ZNF320: variants seen among roughly 807,000 people sequenced by gnomAD.
ZNF320 encodes the protein zinc finger protein 320, also known as zinc finger gene 320.
A neutral mutation model predicts 6.8 loss-of-function variants in ZNF320; 2 were observed. That is an observed-to-expected ratio of 0.29 (90% confidence interval 0.12 to 0.93). ZNF320 has a LOEUF of 0.93. Ranked by LOEUF, ZNF320 falls within the 40% of genes least tolerant of loss-of-function variation. The pLI is 0.55. For missense variants in ZNF320, 472 were observed against 611.0 expected, an observed-to-expected ratio of 0.77 and a Z score of 2.40; for synonymous variants, 208 against 203.2, an observed-to-expected ratio of 1.02 and a Z score of -0.20.
intron 1 of ZNF320, among the ~76,000 whole-genome samples, chr19:52,896,695 T>G (rs2064484822): frequency 6.6e-6 from 1 of 152,088 alleles, no homozygotes; most frequent in Non-Finnish European, 1.5e-5. Context: ...GGCAACAGAG[T>G]GAGACCCCAT....
At chr19:52,867,352 C>T (rs1027527689) in intron 5 of ZNF320, among the ~76,000 whole-genome samples, 4 of 151,968 alleles carry the variant, frequency 2.6e-5, no homozygotes, top group Non-Finnish European at 5.9e-5. Context: ...TACGTGCCAC[C>T]ACCCCCAGCT....
intron 1 of ZNF320, among the ~76,000 whole-genome samples, chr19:52,894,596 A>G (rs1183564595): frequency 6.6e-6 from 1 of 152,156 alleles, no homozygotes; most frequent in Non-Finnish European, 1.5e-5. Context: ...GAAAGAGGCC[A>G]GGCGCGGTGG....
chr19:52,900,680 A>G (rs2064568315), upstream of ZNF320, among the ~76,000 whole-genome samples: 1 of 151,304 alleles, frequency 6.6e-6, no homozygotes, highest in Non-Finnish European at 1.5e-5. Context: ...GCTAGGATCT[A>G]GTTTTTTTTC....
rs1282243059 is a variant in ZNF320 at position 52,890,129 on chromosome 19, T to G, written c.15+112A>C. ...GACTGAGGGAAGGCATGGGTGATTG[T>G]GAGCAAACCTGTCAGGCAGGATGCT... On this transcript the variant is annotated intron_variant, in intron 4 of 5. Transcript: ENST00000682928. 93 of 1,491,316 alleles carry G rather than the reference T, an allele frequency of 6.2e-5. No individual in the cohort carries two copies. In the East Asian group the frequency reaches 2.1e-3, roughly 34 times the overall value. 92.4% of individuals were successfully genotyped at this position (1,491,316 alleles called of 1,614,324 possible).
rs773795610 is a variant in ZNF320, at chr19:52,880,569, C to T, written c.*27G>A. 1.9e-6 allele frequency: 3 copies of T among 1,561,816 alleles called. No homozygotes were observed. The South Asian group carries it at 3.7e-5, about 19-fold the overall frequency. ...AATCAATGTTAAGTCAACTCAAACT[C>T]AGGTCAATGCTGATTTGACTCTGAT... On this transcript the variant is annotated 3_prime_UTR_variant, in exon 6 of 6. Coordinates refer to ENST00000682928, the MANE Select transcript of ZNF320 (RefSeq NM_001351774.2).
At chr19:52,870,343 G>A (rs971975200) in intron 5 of ZNF320, among the ~76,000 whole-genome samples, 8 of 151,846 alleles carry the variant, frequency 5.3e-5, no homozygotes, top group African/African-American at 1.9e-4. Context: ...GCTGGGCATG[G>A]TGGCAGGCAC....
At chr19:52,900,604 A>G (rs2064568121), upstream of ZNF320, among the ~76,000 whole-genome samples, 1 of 152,172 alleles carries the variant, frequency 6.6e-6, no homozygotes, top group Non-Finnish European at 1.5e-5. Context: ...TTATTTCATC[A>G]TAGAAAGCCT....
chr19:52,867,058 C>G (rs2063588420), intron 5 of ZNF320, among the ~76,000 whole-genome samples: 1 of 151,604 alleles, frequency 6.6e-6, no homozygotes, highest in South Asian at 2.1e-4. Flanking sequence ...AATTGATAAA[C>G]TGGGATCAGA....
upstream of ZNF320, among the ~76,000 whole-genome samples, chr19:52,898,633 C>G (rs1395824172): frequency 6.6e-6 from 1 of 152,198 alleles, no homozygotes; most frequent in East Asian, 1.9e-4. Context: ...TCCGAGCTCC[C>G]TGAATGCACA....
chr19:52,899,611 G>C (rs542945595), upstream of ZNF320, among the ~76,000 whole-genome samples: 39 of 152,156 alleles, frequency 2.6e-4, no homozygotes, highest in African/African-American at 9.2e-4. Context: ...TACAGGTGCT[G>C]CCACCGCACC....
intron 5 of ZNF320, among the ~76,000 whole-genome samples, chr19:52,884,090 T>C (rs549829382): frequency 1.3e-5 from 2 of 152,266 alleles, no homozygotes; most frequent in South Asian, 4.2e-4. Flanking sequence ...TCTACCATAT[T>C]GGGACATGGC....
chr19:52,866,192 TTA>T (rs1259177804), intron 5 of ZNF320, among the ~76,000 whole-genome samples: 2 of 103,078 alleles, frequency 1.9e-5, no homozygotes, highest in Admixed American at 9.8e-5. Context: ...ATACATATAT[TTA>T]TATATATGAT....
In ZNF320 at chr19:52,868,655, C is replaced by G. The variant is rs543955421; in HGVS notation, c.224-4496G>C. 8.5e-5 allele frequency among the ~76,000 whole-genome samples: 13 copies of G among 152,132 alleles called. No individual in the cohort carries two copies. The East Asian group carries it at 1.5e-3, about 18-fold the overall frequency. ...ACTTGATTCTTGGCCTGAAGGATCC[C>G]ACGACATGTTTCTAAGCAAAATAGT... On this transcript the variant is annotated intron_variant, in intron 5 of 5. Transcript: ENST00000673631.
exon 6 of ZNF320, chr19:52,862,191 C>T: frequency 2.2e-6 from 1 of 463,332 alleles, no homozygotes; most frequent in East Asian, 5.7e-5. Flanking sequence ...ACTTTCCCTA[C>T]ACCATGGATT....
At chr19:52,864,971 C>A (rs1234070974) in intron 5 of ZNF320, among the ~76,000 whole-genome samples, 2 of 151,802 alleles carry the variant, frequency 1.3e-5, no homozygotes, top group Non-Finnish European at 2.9e-5. Flanking sequence ...CGAGATCGGG[C>A]CACTACACGC....
At chr19:52,894,499 CAT>C (rs920266520) in intron 1 of ZNF320, among the ~76,000 whole-genome samples, 1 of 151,922 alleles carries the variant, frequency 6.6e-6, no homozygotes, top group African/African-American at 2.4e-5. Context: ...GAATCCTAAA[CAT>C]GTAATTATTT....
chr19:52,896,960 G>A (rs561583236), intron 1 of ZNF320, among the ~76,000 whole-genome samples: 1 of 152,252 alleles, frequency 6.6e-6, no homozygotes, highest in South Asian at 2.1e-4. Flanking sequence ...GCACCCATCT[G>A]CTCCGGCCTC....
chr19:52,866,441 C>T (rs961985708), intron 5 of ZNF320, among the ~76,000 whole-genome samples: 4 of 151,610 alleles, frequency 2.6e-5, no homozygotes, highest in Non-Finnish European at 4.4e-5. Context: ...TTCTTGGTAA[C>T]GGTGAAAAAC....
upstream of ZNF320, among the ~76,000 whole-genome samples, chr19:52,902,535 T>C (rs561218118): frequency 6.6e-5 from 10 of 152,370 alleles, no homozygotes; most frequent in Middle Eastern, 3.4e-3. Context: ...CCAAAGTTTG[T>C]TTTAAGTCTT....
Sources: allele counts gnomAD v4.1 joint callset (sites outside exome capture counted in the v4.1 genomes callset), GRCh38; gene constraint gnomAD v4.1.1; transcripts MANE v1.5; gene names NCBI Gene and HGNC (gene_info 2026-07-23, HGNC 2026-07-21).